PRMT3: variants seen among roughly 807,000 people sequenced by gnomAD.
The protein encoded by PRMT3 is protein arginine methyltransferase 3.
In PRMT3, 62 loss-of-function variants were observed where a neutral mutation model predicts 71.9. That is an observed-to-expected ratio of 0.86 (90% CI 0.70 to 1.07). PRMT3 has a LOEUF of 1.07. PRMT3 is among the 50% of genes least tolerant of loss of function. The pLI is 0.00. For missense variants in PRMT3, 663 were observed against 643.0 expected (o/e 1.03, Z -0.34); for synonymous variants, 213 against 220.4 (o/e 0.97, Z 0.30).
intron 10 of PRMT3, among the ~76,000 whole-genome samples, chr11:20,438,276 G>T (rs527929429): frequency 1.1e-4 from 17 of 152,224 alleles, no homozygotes; most frequent in Middle Eastern, 3.4e-3. Context: ...GGTTTGGGCT[G>T]GGGGAGCAGG....
rs560679631 is a variant in PRMT3 at position 20,444,705 on chromosome 11, A to G, written c.994-7425A>G. 7.9e-5 allele frequency among the ~76,000 whole-genome samples: 12 copies of G among 152,296 alleles called. No homozygotes were observed. In the South Asian group the frequency reaches 2.5e-3, roughly 32 times the overall value. On this transcript the variant is annotated intron_variant, in intron 10 of 15. Coordinates refer to ENST00000331079, the MANE Select transcript of PRMT3 (RefSeq NM_005788.4). ...CTCATTGAATGTTCCACATTGATTT[A>G]GAATGAAGTACCTACTCTGTTATTG...
At chr11:20,405,529 A>G (rs555078361) in intron 8 of PRMT3, 2 of 152,290 alleles carry the variant, frequency 1.3e-5, no homozygotes, top group Non-Finnish European at 2.9e-5. Flanking sequence ...CCTACAATTT[A>G]CCAGCTGTGT....
intron 12 of PRMT3, 45 bp from the exon 13 acceptor site, chr11:20,464,415 G>A: frequency 6.8e-7 from 1 of 1,472,256 alleles, no homozygotes; most frequent in East Asian, 2.5e-5. Context: ...TTTTTTTTTG[G>A]ACTATTTTTA....
intron 13 of PRMT3, among the ~76,000 whole-genome samples, chr11:20,469,694 C>A (rs1850597130): frequency 6.6e-6 from 1 of 152,080 alleles, no homozygotes; most frequent in South Asian, 2.1e-4. Flanking sequence ...ATGTCATCAC[C>A]CAAAATTTTA....
At chr11:20,422,288 CT>C (rs1178441762) in intron 9 of PRMT3, among the ~76,000 whole-genome samples, 10 of 148,446 alleles carry the variant, frequency 6.7e-5, no homozygotes, top group Non-Finnish European at 9.0e-5. Flanking sequence ...AAAACAGTTT[CT>C]TTTTTTTTTA....
Position 20,407,995 on chromosome 11 carries a change from C to A in PRMT3, c.856C>A (p.Gln286Lys), listed in dbSNP as rs749368890. 1.9e-6 allele frequency: 3 copies of A among 1,596,044 alleles called. No individual in the cohort carries two copies. Among genetic ancestry groups the A allele is most frequent in the South Asian group, 1.1e-5 (1 of 90,600 alleles). The change falls in exon 9 of 16, where the codon CAA becomes AAA. Residue 286 changes from glutamine to lysine, a missense_variant. By Grantham distance (53) the Gln-to-Lys change is moderately conservative (BLOSUM62 1). Transcript: ENST00000331079. ...AGAKKVLGVDQSEILYQAMDI... is the reference protein window; with the variant it reads ...AGAKKVLGVDKSEILYQAMDI... Reference sequence around the variant, plus strand: ...GGCGAAGAAGGTTCTTGGAGTTGATCAATCTGAAATACTTTACCAGGCAAT... The same window carrying A: ...GGCGAAGAAGGTTCTTGGAGTTGATAAATCTGAAATACTTTACCAGGCAAT...
Position 20,437,058 on chromosome 11 carries a change from T to C in PRMT3, c.993+10193T>C, listed in dbSNP as rs552911913. ...CTAGGTTTTCCAATTTGTTAGCATATAGTTGTTCATCATAGTCTCTAATAA... is the reference window on the plus strand; with the variant it reads ...CTAGGTTTTCCAATTTGTTAGCATACAGTTGTTCATCATAGTCTCTAATAA... On this transcript the variant is annotated intron_variant, in intron 10 of 15. Coordinates refer to ENST00000331079, the MANE Select transcript of PRMT3 (RefSeq NM_005788.4). 2.0e-5 allele frequency among the ~76,000 whole-genome samples: 3 copies of C among 152,298 alleles called. No individual in the cohort carries two copies. In the East Asian group the frequency reaches 5.8e-4, roughly 29 times the overall value.
intron 13 of PRMT3, among the ~76,000 whole-genome samples, chr11:20,489,062 TC>T (rs1851146545): frequency 6.6e-6 from 1 of 152,214 alleles, no homozygotes; most frequent in African/African-American, 2.4e-5. Context: ...TCACAAAATA[TC>T]AAGAGTGATC....
intron 5 of PRMT3, among the ~76,000 whole-genome samples, chr11:20,394,066 ATAATGCATTCGTTTGGCT>A (rs1292757942): frequency 6.6e-6 from 1 of 152,230 alleles, no homozygotes; most frequent in Non-Finnish European, 1.5e-5. Flanking sequence ...CTCTTATAGT[ATAATGCATTCGTTTGGCT>A]TAGCTATTTT....
intron 2 of PRMT3, 148 bp from the exon 3 acceptor site, chr11:20,389,596 A>G (rs558800054): frequency 3.9e-6 from 2 of 512,672 alleles, no homozygotes; most frequent in Admixed American, 7.3e-5. Flanking sequence ...CCTTCCTTTC[A>G]GATACAAGTG....
intron 9 of PRMT3, among the ~76,000 whole-genome samples, chr11:20,409,939 A>G (rs1013061567): frequency 1.3e-5 from 2 of 152,124 alleles, no homozygotes; most frequent in Non-Finnish European, 2.9e-5. Flanking sequence ...AGCTATTTCT[A>G]CTAGAATTTC....
intron 10 of PRMT3, among the ~76,000 whole-genome samples, chr11:20,446,827 G>A (rs1309296539): frequency 6.6e-6 from 1 of 152,096 alleles, no homozygotes; most frequent in Non-Finnish European, 1.5e-5. Context: ...AAGGGTAAAG[G>A]TATCCCTGTT....
intron 13 of PRMT3, among the ~76,000 whole-genome samples, chr11:20,467,280 TCAGA>T (rs1235658979): frequency 2.6e-5 from 4 of 152,202 alleles, no homozygotes; most frequent in African/African-American, 7.2e-5. Context: ...CACTTGAATG[TCAGA>T]CAATGTGCTA....
intron 15 of PRMT3, among the ~76,000 whole-genome samples, chr11:20,501,347 T>C (rs942558891): frequency 6.6e-6 from 1 of 152,130 alleles, no homozygotes; most frequent in Non-Finnish European, 1.5e-5. Flanking sequence ...ATAATATATA[T>C]TGTCATTGAA....
chr11:20,405,807 A>G (rs1011633322), intron 8 of PRMT3: 2 of 152,204 alleles, frequency 1.3e-5, no homozygotes, highest in Non-Finnish European at 2.9e-5. Context: ...CTTATGGTAA[A>G]TAAACATGAT....
chr11:20,477,855 C>A (rs751874196), intron 13 of PRMT3, among the ~76,000 whole-genome samples: 9 of 145,364 alleles, frequency 6.2e-5, no homozygotes, highest in Non-Finnish European at 1.2e-4. Flanking sequence ...TCATCCACTC[C>A]AATAAGTAAC....
chr11:20,441,515 G>A (rs912235884), intron 10 of PRMT3, among the ~76,000 whole-genome samples: 1 of 151,618 alleles, frequency 6.6e-6, no homozygotes, highest in Non-Finnish European at 1.5e-5. Flanking sequence ...CACCATGTTA[G>A]CCAGGATGGT....
At chr11:20,441,661 G>GT (rs1164506381) in intron 10 of PRMT3, among the ~76,000 whole-genome samples, 20 of 151,764 alleles carry the variant, frequency 1.3e-4, no homozygotes, top group Non-Finnish European at 2.4e-4. Flanking sequence ...TATTTTCCGT[G>GT]TAAGATTATG....
chr11:20,430,772 A>G lies in PRMT3; in HGVS notation c.993+3907A>G, dbSNP rs1590058717. Among the ~76,000 whole-genome samples, 3 of 152,304 alleles carry G rather than the reference A, an allele frequency of 2.0e-5. No homozygotes were observed. In the South Asian group the frequency reaches 6.2e-4, roughly 32 times the overall value. ...TAGGAAATTTTTCATATACAATACAATATTACTAACTGTAGTCATCATGCT... is the reference window on the plus strand; with the variant it reads ...TAGGAAATTTTTCATATACAATACAGTATTACTAACTGTAGTCATCATGCT... On this transcript the variant is annotated intron_variant, in intron 10 of 15. Transcript: ENST00000331079.
Sources: gnomAD v4.1 joint callset for allele counts (sites outside exome capture counted in the v4.1 genomes callset) on GRCh38, gnomAD v4.1.1 for gene constraint, MANE v1.5 for transcripts, NCBI Gene and HGNC (gene_info 2026-07-23, HGNC 2026-07-21) for gene names.